WWC2: variants seen among roughly 807,000 people sequenced by gnomAD.
WWC2 encodes WW and C2 domain containing 2.
Under a neutral mutation model 138.5 loss-of-function variants are expected in WWC2, and 101 were observed. That is an observed-to-expected ratio of 0.73 (90% CI 0.62 to 0.86). WWC2 has a LOEUF of 0.86. Ranked by LOEUF, WWC2 falls within the 40% of genes least tolerant of loss-of-function variation. The pLI is 0.00. For synonymous variants in WWC2, 558 were observed against 538.4 expected (o/e 1.04, Z -0.50); for missense variants, 1,420 against 1,419.4 (o/e 1.00, Z -0.01).
At chr4:183,313,884 G>A (rs970916093) in intron 22 of WWC2, among the ~76,000 whole-genome samples, 5 of 150,332 alleles carry the variant, frequency 3.3e-5, no homozygotes, top group Admixed American at 1.3e-4. Context: ...CAGCCCCGAC[G>A]GAGGGAGCTC....
chr4:183,293,354 T>C (rs1039142113), intron 21 of WWC2, among the ~76,000 whole-genome samples: 1 of 152,220 alleles, frequency 6.6e-6, no homozygotes, highest in Admixed American at 6.5e-5. Context: ...ATTTATATAA[T>C]TCATTACTTT....
intron 1 of WWC2, among the ~76,000 whole-genome samples, chr4:183,186,276 G>A (rs1734798367): frequency 6.6e-6 from 1 of 152,146 alleles, no homozygotes. Flanking sequence ...TGAAGCTTTT[G>A]CAGATACTAT....
At chr4:183,292,022 C>CA (rs1444891170) in intron 21 of WWC2, among the ~76,000 whole-genome samples, 5 of 77,324 alleles carry the variant, frequency 6.5e-5, no homozygotes, top group African/African-American at 1.2e-4. Context: ...CTTGTCTCTA[C>CA]AAAAAAAATT....
intron 1 of WWC2, among the ~76,000 whole-genome samples, chr4:183,152,139 C>T (rs1561437947): frequency 1.3e-5 from 2 of 151,942 alleles, no homozygotes; most frequent in South Asian, 2.1e-4. Flanking sequence ...CCTTGTTTCT[C>T]GTAAGAAAGA....
intron 9 of WWC2, among the ~76,000 whole-genome samples, chr4:183,256,833 C>G (rs71620980): frequency 6.9e-6 from 1 of 144,778 alleles, no homozygotes; most frequent in Non-Finnish European, 1.5e-5. Context: ...ACGTTGGTGT[C>G]TGAAGGAGCT....
At chr4:183,265,648 C>A in intron 12 of WWC2, 40 bp from the exon 13 acceptor site, 2 of 1,562,620 alleles carry the variant, frequency 1.3e-6, no homozygotes, top group South Asian at 1.2e-5. Flanking sequence ...CAATCGATAA[C>A]CCCATTAATT....
intron 22 of WWC2, among the ~76,000 whole-genome samples, chr4:183,313,040 G>A (rs1739314919): frequency 6.6e-6 from 1 of 152,192 alleles, no homozygotes; most frequent in Non-Finnish European, 1.5e-5. Flanking sequence ...GGCACCAGCA[G>A]AGGAGATTAT....
intron 1 of WWC2, among the ~76,000 whole-genome samples, chr4:183,108,929 A>T (rs1277255131): frequency 1.3e-5 from 2 of 152,220 alleles, no homozygotes; most frequent in Non-Finnish European, 2.9e-5. Context: ...TAATTTTATT[A>T]ATGTTAATAG....
chr4:183,241,824 G>T (rs1727845457), intron 5 of WWC2, among the ~76,000 whole-genome samples: 1 of 152,194 alleles, frequency 6.6e-6, no homozygotes, highest in African/African-American at 2.4e-5. Flanking sequence ...GCCGTAACGT[G>T]TTTAGCCATA....
intron 1 of WWC2, among the ~76,000 whole-genome samples, chr4:183,114,198 C>T (rs1732340282): frequency 6.6e-6 from 1 of 152,134 alleles, no homozygotes; most frequent in South Asian, 2.1e-4. Flanking sequence ...GCCATCCTCT[C>T]TCTTGTTCCT....
At chr4:183,100,534 T>C (rs1290620310) in intron 1 of WWC2, among the ~76,000 whole-genome samples, 1 of 152,260 alleles carries the variant, frequency 6.6e-6, no homozygotes, top group Non-Finnish European at 1.5e-5. Context: ...TTAAATAACG[T>C]GCCACCAGGG....
At chr4:183,153,268 A>C (rs1733698588) in intron 1 of WWC2, among the ~76,000 whole-genome samples, 1 of 152,136 alleles carries the variant, frequency 6.6e-6, no homozygotes, top group Admixed American at 6.5e-5. Flanking sequence ...TTAATAACTG[A>C]GTGAACCAAA....
At chr4:183,250,655 C>T (rs73870401) in intron 8 of WWC2, among the ~76,000 whole-genome samples, 11,625 of 152,064 alleles carry the variant, frequency 0.076, 1,496 homozygotes, top group African/African-American at 0.27. Flanking sequence ...GACTCAAATA[C>T]TTTTCATAAT....
intron 1 of WWC2, among the ~76,000 whole-genome samples, chr4:183,116,636 GAAGTTTCATCACTTA>G (rs2152888886): frequency 6.6e-6 from 1 of 152,326 alleles, no homozygotes; most frequent in South Asian, 2.1e-4. Flanking sequence ...GGATTTAGCT[GAAGTTTCATCACTTA>G]AAGTTTGCCT....
intron 1 of WWC2, among the ~76,000 whole-genome samples, chr4:183,126,494 A>G (rs980619970): frequency 1.3e-5 from 2 of 152,174 alleles, no homozygotes; most frequent in Non-Finnish European, 2.9e-5. Context: ...TGTTCTTTCT[A>G]TCCACTGTTG....
rs559764948 is a variant in WWC2 at position 183,264,274 on chromosome 4, T to A, written c.1910-704T>A. Among the ~76,000 whole-genome samples, 12 of 152,298 alleles carry A rather than the reference T, an allele frequency of 7.9e-5. No homozygotes were observed. The South Asian group carries it at 2.5e-3, about 32-fold the overall frequency. The stretch of plus-strand genomic sequence containing the variant: ...CCAATACAGATCCCTGCGCTCACTC[T>A]CACTCACTGGAGGATGAAAGAGCAC... On this transcript the variant is annotated intron_variant, in intron 11 of 22. Coordinates refer to ENST00000403733, the MANE Select transcript of WWC2 (RefSeq NM_024949.6).
intron 1 of WWC2, among the ~76,000 whole-genome samples, chr4:183,189,515 A>G (rs1268957295): frequency 6.6e-6 from 1 of 152,062 alleles, no homozygotes; most frequent in Non-Finnish European, 1.5e-5. Flanking sequence ...CTGTGGAAAG[A>G]TTTCTAGTGC....
intron 15 of WWC2, 63 bp from the exon 16 acceptor site, chr4:183,271,017 T>C: frequency 7.3e-7 from 1 of 1,365,872 alleles, no homozygotes; most frequent in Non-Finnish European, 9.6e-7. Flanking sequence ...GAACAAATAC[T>C]AATTTAAACA....
At position 183,254,672 on chromosome 4, in the gene WWC2, A is replaced by G. The variant is rs376552829; in HGVS notation, c.1196+673A>G. On this transcript the variant is annotated intron_variant, in intron 9 of 22. Transcript: ENST00000403733. Reference sequence around the variant, plus strand: ...CGCATCTGCATAAGAGCCTGGGTCCAGGCCTTGATGGCAGAATGGGTTGGA... The same window carrying G: ...CGCATCTGCATAAGAGCCTGGGTCCGGGCCTTGATGGCAGAATGGGTTGGA... Among the ~76,000 whole-genome samples the G allele has an allele frequency of 2.2e-4, 33 of 152,378 alleles. No individual in the cohort carries two copies. In the South Asian group the frequency reaches 6.6e-3, roughly 31 times the overall value.
Sources: gnomAD v4.1 joint callset for allele counts (sites outside exome capture counted in the v4.1 genomes callset) on GRCh38, gnomAD v4.1.1 for gene constraint, MANE v1.5 for transcripts, NCBI Gene and HGNC (gene_info 2026-07-23, HGNC 2026-07-21) for gene names.